The following RARA variants were observed in gnomAD, a reference collection of about 807,000 sequenced individuals.
RARA encodes retinoic acid receptor alpha.
In RARA, 5 loss-of-function variants were observed where a neutral mutation model predicts 42.8. That is an observed-to-expected ratio of 0.12 (90% CI 0.06 to 0.25). The LOEUF (loss-of-function observed/expected upper bound fraction) is 0.25, where lower values mean the gene tolerates loss of function less well. RARA is among the 10% of genes least tolerant of loss of function. The pLI, the probability that RARA is intolerant of heterozygous loss-of-function variation, is 1.00. For missense variants in RARA, 402 were observed against 628.7 expected, an observed-to-expected ratio of 0.64 and a Z score of 3.86; for synonymous variants, 256 against 259.5, an observed-to-expected ratio of 0.99 and a Z score of 0.13.
chr17:40,309,965 G>A (rs1338400096), intron 1 of RARA, among the ~76,000 whole-genome samples: 2 of 152,180 alleles, frequency 1.3e-5, no homozygotes, highest in African/African-American at 2.4e-5. Flanking sequence ...GGGACAATGT[G>A]GTTGTAAGAT....
At position 40,330,909 on chromosome 17, in the gene RARA, G is replaced by C. The variant is rs1271635313; in HGVS notation, c.-310G>C. ...CCTAGCTGGGGCCCATCTAGGAGTG[G>C]CATCTTTTTTGGTGCCCTGAAGGCC... On this transcript the variant is annotated 5_prime_UTR_variant, in exon 2 of 9. Transcript: ENST00000254066. 4 of 339,876 alleles carry C rather than the reference G, an allele frequency of 1.2e-5. No individual in the cohort carries two copies. In the East Asian group the frequency reaches 1.4e-4, roughly 12 times the overall value. The allele number at this position is 339,876 out of a possible 1,614,324, so 21.1% of individuals were successfully genotyped here. A position where few individuals can be genotyped will look rare whatever the true frequency, so the allele number is the denominator to read the frequency against.
chr17:40,357,299 C>T lies in RARA; in HGVS notation c.*1073C>T, dbSNP rs984790988. ...CCCCGGCCTCAGCCACCAGCACCCC[C>T]ATAGGGCCCCCAGACACCACACACA... On this transcript the variant is annotated 3_prime_UTR_variant, in exon 9 of 9. Transcript: ENST00000254066. 2.5e-5 allele frequency: 6 copies of T among 236,654 alleles called. No individual in the cohort carries two copies. Among genetic ancestry groups the T allele is most frequent in the African/African-American group, 1.1e-4 (5 of 45,258 alleles). The allele number at this position is 236,654 out of a possible 1,614,324, so 14.7% of individuals were successfully genotyped here.
In RARA at chr17:40,351,287, G is replaced by C. The variant is rs1020303174; in HGVS notation, c.470-623G>C. The C allele has an allele frequency of 6.4e-6, 1 of 156,208 alleles. No homozygotes were observed. Among genetic ancestry groups the C allele is most frequent in the South Asian group, 1.1e-4 (1 of 8,878 alleles). The allele number at this position is 156,208 out of a possible 1,614,324, so 9.7% of individuals were successfully genotyped here. A position where few individuals can be genotyped will look rare whatever the true frequency, so the allele number is the denominator to read the frequency against. ...CCCGCGTCAGCAGCCACCACCACCA[G>C]CCCTGTGAGTGATTGTGTGTCTGGA... is the stretch of plus-strand genomic sequence containing the variant. On this transcript the variant is annotated intron_variant, in intron 4 of 8. Transcript: ENST00000254066. The surrounding 1 kb of genome is among the most constrained non-coding windows in gnomAD (Gnocchi z 4.1).
chr17:40,322,171 G>C (rs2033408117), intron 1 of RARA, among the ~76,000 whole-genome samples: 1 of 151,980 alleles, frequency 6.6e-6, no homozygotes, highest in Non-Finnish European at 1.5e-5. Flanking sequence ...AGGGGAGGGG[G>C]GTGGAGGGAG....
Position 40,351,139 on chromosome 17 carries a change from C to T in RARA, c.470-771C>T, listed in dbSNP as rs1283231779. 2.0e-5 allele frequency among the ~76,000 whole-genome samples: 3 copies of T among 151,820 alleles called. No individual in the cohort carries two copies. The highest frequency in any genetic ancestry group is 6.6e-5 in the Admixed American group (1 of 15,232). On this transcript the variant is annotated intron_variant, in intron 4 of 8. Coordinates refer to ENST00000254066, the MANE Select transcript of RARA (RefSeq NM_000964.4). The surrounding 1 kb of genome is among the most constrained non-coding windows in gnomAD (Gnocchi z 4.1). ...AATTATCCCCCCACTCTCCCTCTCC[C>T]TCTCCCTTCTCTCCCCTGCACTTTA...
rs373050513 is a variant in RARA at position 40,341,947 on chromosome 17, C to A, written c.179-6369C>A. ...TACTCCTCATCTGGAGCCTTTCCCC[C>A]TTCCTGCTTCTCTCCTCTCCTCCCC... On this transcript the variant is annotated intron_variant, in intron 2 of 8. Transcript: ENST00000254066. 48 of 1,141,326 alleles carry A rather than the reference C, an allele frequency of 4.2e-5. No individual in the cohort carries two copies. In the African/African-American group the frequency reaches 6.9e-4, roughly 16 times the overall value. 70.7% of individuals were successfully genotyped at this position (1,141,326 alleles called of 1,614,324 possible).
chr17:40,321,343 G>A (rs9913992), intron 1 of RARA, among the ~76,000 whole-genome samples: 212 of 151,084 alleles, frequency 1.4e-3, no homozygotes, highest in African/African-American at 4.9e-3. Context: ...CCCTCCCCTC[G>A]CTCCCCCCTA....
At chr17:40,322,171 G>GT in intron 1 of RARA, among the ~76,000 whole-genome samples, 1 of 151,980 alleles carries the variant, frequency 6.6e-6, no homozygotes, top group Admixed American at 6.6e-5. Context: ...AGGGGAGGGG[G>GT]GTGGAGGGAG....
intron 2 of RARA, chr17:40,342,561 G>T: frequency 7.3e-7 from 1 of 1,361,302 alleles, no homozygotes; most frequent in East Asian, 2.9e-5. Flanking sequence ...TCAGGGCAGG[G>T]GGCGCCCCCT....
chr17:40,329,312 T>G (rs910769238), intron 1 of RARA, among the ~76,000 whole-genome samples: 9 of 148,432 alleles, frequency 6.1e-5, no homozygotes, highest in South Asian at 2.1e-4. Flanking sequence ...GTGTGTGTGT[T>G]TTTTTTTTTT....
chr17:40,341,866 T>A, intron 2 of RARA: 1 of 1,027,810 alleles, frequency 9.7e-7, no homozygotes. Flanking sequence ...TCTTCCGTCC[T>A]TGTCCCCTCG....
chr17:40,310,084 C>T (rs2033067603), intron 1 of RARA, among the ~76,000 whole-genome samples: 4 of 152,112 alleles, frequency 2.6e-5, no homozygotes, highest in Non-Finnish European at 5.9e-5. Context: ...GGGGTGTGGA[C>T]CAGATTGAGG....
Position 40,351,943 on chromosome 17 carries a change from A to C in RARA, c.503A>C (p.Glu168Ala). ...AACGACCGAAACAAGAAGAAGAAGG[A>C]GGTGCCCAAGCCCGAGTGCTCTGAG... ...VRNDRNKKKK[E>A]VPKPECSESY... is the part of the protein sequence containing the mutation. The change falls in exon 5 of 9, where the codon GAG (glutamate) becomes GCG (alanine). Residue 168 changes from glutamate (E) to alanine (A), a missense_variant. Around this residue, in one of 5 missense-constraint regions of RARA, gnomAD observed 130 missense variants for 267.9 expected, o/e 0.49. Transcript: ENST00000254066. The surrounding 1 kb of genome is among the most constrained non-coding windows in gnomAD (Gnocchi z 4.1). The C allele has an allele frequency of 6.2e-7, 1 of 1,612,398 alleles. No individual in the cohort carries two copies. The highest frequency in any genetic ancestry group is 8.5e-7 in the Non-Finnish European group (1 of 1,179,464).
rs2034491257 is a variant in RARA, at chr17:40,352,592, G to A, written c.807+85G>A. 3.9e-6 allele frequency: 5 copies of A among 1,286,394 alleles called. No individual in the cohort carries two copies. In the South Asian group the frequency reaches 6.1e-5, roughly 16 times the overall value. 79.7% of individuals were successfully genotyped at this position (1,286,394 alleles called of 1,614,324 possible). A position where few individuals can be genotyped will look rare whatever the true frequency, so the allele number is the denominator to read the frequency against. On this transcript the variant is annotated intron_variant, in intron 6 of 8. Coordinates refer to ENST00000254066, the MANE Select transcript of RARA (RefSeq NM_000964.4). The surrounding 1 kb of genome is among the most constrained non-coding windows in gnomAD (Gnocchi z 4.9). ...CAGCCAGACAGCCACCCTCCTAAAT[G>A]TCTGTCTGCAATCAACCTGTCCAAA...
intron 2 of RARA, among the ~76,000 whole-genome samples, chr17:40,339,617 G>A (rs2033965765): frequency 1.3e-5 from 2 of 152,074 alleles, no homozygotes; most frequent in African/African-American, 2.4e-5. Context: ...CTTGAATGCC[G>A]CCTCTTCCCA....
chr17:40,343,995 G>C (rs962585624), intron 2 of RARA, among the ~76,000 whole-genome samples: 3 of 152,036 alleles, frequency 2.0e-5, no homozygotes, highest in Non-Finnish European at 4.4e-5. Flanking sequence ...TCCCCTCCTG[G>C]GCTTTGGGCT....
chr17:40,341,594 G>C, intron 2 of RARA: 7 of 1,363,088 alleles, frequency 5.1e-6, no homozygotes, highest in Non-Finnish European at 2.8e-6. Context: ...GGGCTGGCGA[G>C]CGGGTGATGT....
At position 40,355,555 on chromosome 17, in the gene RARA, C is replaced by A; in HGVS notation, c.1171+134C>A. 1 of 1,264,244 alleles carries A rather than the reference C, an allele frequency of 7.9e-7. No homozygotes were observed. The highest frequency in any genetic ancestry group is 1.1e-6 in the Non-Finnish European group (1 of 931,920). The allele number at this position is 1,264,244 out of a possible 1,614,324, so 78.3% of individuals were successfully genotyped here. On this transcript the variant is annotated intron_variant, in intron 8 of 8. Transcript: ENST00000254066. This position sits in a 1 kb window ranked among gnomAD's most constrained non-coding sequence, Gnocchi z 4.1. ...CCATCTGTGTCTAGGCTGAGGTCCC[C>A]TAGTGACTCCACTTTGCCGAGGTGG...
chr17:40,353,304 A>G (rs2034512590), intron 6 of RARA, among the ~76,000 whole-genome samples: 1 of 152,004 alleles, frequency 6.6e-6, no homozygotes, highest in Non-Finnish European at 1.5e-5. Flanking sequence ...GGGTGGGGGC[A>G]GGAAGAGGTG....
Sources: gnomAD v4.1 joint callset for allele counts (sites outside exome capture counted in the v4.1 genomes callset) on GRCh38, gnomAD v4.1.1 for gene constraint, gnomAD v4.1.1 regional missense constraint, Gnocchi (gnomAD v3.1) non-coding constraint, MANE v1.5 for transcripts, NCBI Gene and HGNC (gene_info 2026-07-23, HGNC 2026-07-21) for gene names.